Variants in ANKEF1 observed in about 807,000 individuals in gnomAD.
ANKEF1 encodes ankyrin repeat and EF-hand domain containing 1.
Under a neutral mutation model 65.1 loss-of-function variants are expected in ANKEF1, and 43 were observed. The ratio of observed to expected loss-of-function variants is 0.66; its 90% CI spans 0.52 to 0.85. The LOEUF (loss-of-function observed/expected upper bound fraction) is 0.85, where lower values mean the gene tolerates loss of function less well. Ranked by LOEUF, ANKEF1 falls within the 40% of genes least tolerant of loss-of-function variation. The pLI is 0.00. For synonymous variants in ANKEF1, 316 were observed against 341.5 expected, an observed-to-expected ratio of 0.93 and a Z score of 0.82; for missense variants, 934 against 952.9, an observed-to-expected ratio of 0.98 and a Z score of 0.26.
rs942780776 is a variant in ANKEF1, at chr20:10,036,729, C to G, written c.-45+1087C>G. On this transcript the variant is annotated intron_variant, in intron 2 of 10. Transcript: ENST00000378392. Reference sequence around the variant, plus strand: ...TGGTGGTGGGCACCTGTAATCCCAGCTACTCGGGAGGCTGAGGCAGGAGAA... The same window carrying G: ...TGGTGGTGGGCACCTGTAATCCCAGGTACTCGGGAGGCTGAGGCAGGAGAA... Among the ~76,000 whole-genome samples the G allele has an allele frequency of 1.1e-4, 17 of 152,250 alleles. No individual in the cohort carries two copies. The East Asian group carries it at 2.9e-3, about 26-fold the overall frequency.
chr20:10,044,355 G>A (rs117704926), intron 4 of ANKEF1, 39 bp from the exon 5 acceptor site: 1 of 1,608,436 alleles, frequency 6.2e-7, no homozygotes, highest in Non-Finnish European at 8.5e-7. Context: ...AATATGATGG[G>A]TATAAACAGC....
intron 5 of ANKEF1, 141 bp from the exon 6 acceptor site, chr20:10,045,433 T>A: frequency 1.2e-6 from 1 of 822,264 alleles, no homozygotes. Flanking sequence ...ATATTTTCAG[T>A]TTAGTTCATT....
chr20:10,035,430 A>G (rs2122210797), intron 1 of ANKEF1, 97 bp downstream of exon 1: 1 of 152,350 alleles, frequency 6.6e-6, no homozygotes, highest in South Asian at 2.1e-4. Context: ...AGTGGAAAGC[A>G]CAGTAGAGAA....
At chr20:10,038,776 C>T in intron 3 of ANKEF1, 129 bp downstream of exon 3, 2 of 706,240 alleles carry the variant, frequency 2.8e-6, no homozygotes, top group Non-Finnish European at 4.7e-6. Flanking sequence ...AGGCTAAATT[C>T]TCACTCCTAT....
rs1450991366 is a variant in ANKEF1, at chr20:10,057,905, GTTTGT to G, written c.*2248_*2252del. Reference sequence around the variant, plus strand: ...GTATTTCTTGTTTGTTTGTTTGTTTGTTTGTTTATGACAGTATATAAGAAGAACAC... The same window carrying G: ...GTATTTCTTGTTTGTTTGTTTGTTTGTTATGACAGTATATAAGAAGAACAC... On this transcript the variant is annotated 3_prime_UTR_variant, in exon 11 of 11. Transcript: ENST00000378392. The G allele has an allele frequency of 6.6e-6, 1 of 151,706 alleles. No individual in the cohort carries two copies. Among genetic ancestry groups the G allele is most frequent in the Non-Finnish European group, 1.5e-5 (1 of 67,890 alleles). The allele number at this position is 151,706 out of a possible 1,614,324, so 9.4% of individuals were successfully genotyped here.
chr20:10,039,921 G>A (rs750520873), intron 3 of ANKEF1, among the ~76,000 whole-genome samples: 3 of 151,984 alleles, frequency 2.0e-5, no homozygotes, highest in Non-Finnish European at 4.4e-5. Context: ...ATAGAGAAAC[G>A]TTTAACTTAC....
intron 6 of ANKEF1, among the ~76,000 whole-genome samples, chr20:10,048,713 A>G (rs1171474118): frequency 1.3e-5 from 2 of 152,154 alleles, no homozygotes; most frequent in Non-Finnish European, 2.9e-5. Flanking sequence ...ATATTTATAA[A>G]TGATGTTGGA....
intron 5 of ANKEF1, among the ~76,000 whole-genome samples, chr20:10,045,247 G>A (rs1040432359): frequency 6.6e-6 from 1 of 152,058 alleles, no homozygotes; most frequent in Non-Finnish European, 1.5e-5. Context: ...AACAAAAATG[G>A]TAGTGCCCCC....
At chr20:10,047,170 A>C (rs1984564735) in intron 6 of ANKEF1, among the ~76,000 whole-genome samples, 1 of 152,240 alleles carries the variant, frequency 6.6e-6, no homozygotes, top group African/African-American at 2.4e-5. Flanking sequence ...TCCTGGAATA[A>C]AGTCACAGAA....
chr20:10,037,917 A>G (rs1051444127), intron 2 of ANKEF1, among the ~76,000 whole-genome samples: 8 of 152,180 alleles, frequency 5.3e-5, no homozygotes, highest in African/African-American at 1.9e-4. Flanking sequence ...GCTGGTGTGA[A>G]ACCATGTAGA....
In ANKEF1 at chr20:10,053,127, A is replaced by G. The variant is rs1984959924; in HGVS notation, c.1886A>G (p.Asp629Gly). ...LENRKGHSAM[D>G]VAKAYADYRI... is the part of the protein sequence containing the mutation. ...GTTTCAACAGGGCATAGTGCCATGGACGTTGCAAAGGCATATGCTGATTAT... is the reference window on the plus strand; with the variant it reads ...GTTTCAACAGGGCATAGTGCCATGGGCGTTGCAAAGGCATATGCTGATTAT... Residue 629 changes from aspartate (D) to glycine (G), a missense_variant, in exon 9 of 11, where the codon GAC becomes GGC. Asp to Gly is a moderately conservative substitution (Grantham distance 94). Coordinates refer to ENST00000378392, the MANE Select transcript of ANKEF1 (RefSeq NM_022096.6). 1.9e-6 allele frequency: 3 copies of G among 1,601,932 alleles called. No homozygotes were observed. Among genetic ancestry groups the G allele is most frequent in the Non-Finnish European group, 2.6e-6 (3 of 1,176,424 alleles).
intron 2 of ANKEF1, among the ~76,000 whole-genome samples, chr20:10,036,667 C>T (rs2088898173): frequency 6.6e-6 from 1 of 152,126 alleles, no homozygotes; most frequent in Non-Finnish European, 1.5e-5. Context: ...CATGGTGAAA[C>T]CCTGTCTTTA....
At position 10,049,780 on chromosome 20, in the gene ANKEF1, AGTCTTTT is replaced by A; in HGVS notation, c.1217_1223del (p.Phe406Ter). On this transcript the variant is annotated frameshift_variant, in exon 7 of 11. Coordinates refer to ENST00000378392, the MANE Select transcript of ANKEF1 (RefSeq NM_022096.6). LOFTEE classifies it high-confidence loss of function. ...TTTAAAGGAACCAGATATTTAAACAAGTCTTTTGTCTTAGGATCGTATGGACCTAAGA... is the reference window on the plus strand; with the variant it reads ...TTTAAAGGAACCAGATATTTAAACAAGTCTTAGGATCGTATGGACCTAAGA... 1 of 1,614,134 alleles carries A rather than the reference AGTCTTTT, an allele frequency of 6.2e-7. No individual in the cohort carries two copies. The highest frequency in any genetic ancestry group is 8.5e-7 in the Non-Finnish European group (1 of 1,180,006).
chr20:10,037,902 A>G (rs974522704), intron 2 of ANKEF1, among the ~76,000 whole-genome samples: 18 of 152,194 alleles, frequency 1.2e-4, no homozygotes, highest in African/African-American at 4.3e-4. Flanking sequence ...TGATCTCTCT[A>G]TTTTGCTGGT....
chr20:10,036,977 G>A (rs1270822625), intron 2 of ANKEF1, among the ~76,000 whole-genome samples: 1 of 152,108 alleles, frequency 6.6e-6, no homozygotes, highest in African/African-American at 2.4e-5. Context: ...TGAGCAGGAG[G>A]GGGCATTGGT....
intron 6 of ANKEF1, among the ~76,000 whole-genome samples, chr20:10,045,902 C>T (rs143841590): frequency 3.9e-5 from 6 of 152,204 alleles, no homozygotes; most frequent in Non-Finnish European, 5.9e-5. Context: ...GATGAAAACC[C>T]ATTTGTCCAA....
chr20:10,056,661 A>G lies in ANKEF1; in HGVS notation c.*1001A>G, dbSNP rs1985191517. The G allele has an allele frequency of 6.6e-6, 1 of 152,138 alleles. No homozygotes were observed. The highest frequency in any genetic ancestry group is 2.4e-5 in the African/African-American group (1 of 41,438). 9.4% of individuals were successfully genotyped at this position (152,138 alleles called of 1,614,324 possible). A position where few individuals can be genotyped will look rare whatever the true frequency, so the allele number is the denominator to read the frequency against. ...TGCAGGAGCTGTCCCTGAAGTCCAC[A>G]AGTGGAATTTCTTCTTCATCATGGA... On this transcript the variant is annotated 3_prime_UTR_variant, in exon 11 of 11. Coordinates refer to ENST00000378392, the MANE Select transcript of ANKEF1 (RefSeq NM_022096.6).
chr20:10,038,408 A>G lies in ANKEF1; in HGVS notation c.107A>G (p.Tyr36Cys). 6.2e-7 allele frequency: 1 copy of G among 1,614,026 alleles called. No homozygotes were observed. Among genetic ancestry groups the G allele is most frequent in the East Asian group, 2.2e-5 (1 of 44,878 alleles). ...ATAGAGAAGCTGACCAAGCTTGGATACCCTGAACTAATCAATTATACAGAA... is the reference window on the plus strand; with the variant it reads ...ATAGAGAAGCTGACCAAGCTTGGATGCCCTGAACTAATCAATTATACAGAA... ...KQIEKLTKLG[Y>C]PELINYTEPI... Residue 36 changes from tyrosine (Y) to cysteine (C), a missense_variant, in exon 3 of 11, where the codon TAC becomes TGC. By Grantham distance (194) the Tyr-to-Cys change is radical. Transcript: ENST00000378392.
At chr20:10,039,190 C>T (rs1298892535) in intron 3 of ANKEF1, among the ~76,000 whole-genome samples, 1 of 152,208 alleles carries the variant, frequency 6.6e-6, no homozygotes, top group Non-Finnish European at 1.5e-5. Context: ...AAACTTTAGA[C>T]ATGACCTTTC....
Sources: gnomAD v4.1 joint callset for allele counts (sites outside exome capture counted in the v4.1 genomes callset) on GRCh38, gnomAD v4.1.1 for gene constraint, MANE v1.5 for transcripts, NCBI Gene and HGNC (gene_info 2026-07-23, HGNC 2026-07-21) for gene names.